The following DLG4 variants were observed in gnomAD, a reference collection of about 807,000 sequenced individuals.
DLG4 encodes the protein discs large MAGUK scaffold protein 4, also known as disks large homolog 4.
A neutral mutation model predicts 93.8 loss-of-function variants in DLG4; 7 were observed. That is an observed-to-expected ratio of 0.07 (90% CI 0.04 to 0.14). The LOEUF (loss-of-function observed/expected upper bound fraction) is 0.14. Ranked by LOEUF, DLG4 falls within the 10% of genes least tolerant of loss-of-function variation. The probability of loss-of-function intolerance (pLI) is 1.00; values close to 1 mark genes in which losing one functional copy is unlikely to be tolerated. For missense variants in DLG4, 545 were observed against 992.9 expected (o/e 0.55, Z 6.06); for synonymous variants, 341 against 387.6 (o/e 0.88, Z 1.41).
Position 7,193,529 on chromosome 17 carries a change from A to C in DLG4, c.1647T>G (p.Asp549Glu). The C allele has an allele frequency of 6.5e-7, 1 of 1,537,368 alleles. No individual in the cohort carries two copies. The highest frequency in any genetic ancestry group is 8.7e-7 in the Non-Finnish European group (1 of 1,148,772). Residue 549 changes from aspartate to glutamate, a missense_variant, in exon 16 of 20, where the codon GAT (aspartate) becomes GAG (glutamate). Physicochemically the swap from Asp to Glu is conservative, Grantham distance 45. Around this residue, in one of 5 missense-constraint regions of DLG4, gnomAD observed 428 missense variants for 741.4 expected, o/e 0.58. Coordinates refer to ENST00000399506, the MANE Select transcript of DLG4 (RefSeq NM_001321075.3). This position sits in a 1 kb window ranked among gnomAD's most constrained non-coding sequence, Gnocchi z 6.7. Reference sequence around the variant, plus strand: ...TGTCGGGGAACTCGGAGAGAAGATCATCGTTGGCGCGGTCCTTGGTGGGCC... The same window carrying C: ...TGTCGGGGAACTCGGAGAGAAGATCCTCGTTGGCGCGGTCCTTGGTGGGCC... ...ILGPTKDRAN[D>E]DLLSEFPDKF...
chr17:7,192,429 TGGAA>T (rs2069552402), intron 17 of DLG4: 1 of 143,200 alleles, frequency 7.0e-6, no homozygotes, highest in Non-Finnish European at 1.3e-5. Context: ...GACAGACAGA[TGGAA>T]GGAACAAGGA....
intron 1 of DLG4, among the ~76,000 whole-genome samples, chr17:7,215,556 A>T (rs2070873993): frequency 6.6e-6 from 1 of 152,194 alleles, no homozygotes. Context: ...ACCAGGCCAG[A>T]GAAACTGAGG....
At chr17:7,204,310 A>G in intron 2 of DLG4, 58 bp from the exon 3 acceptor site, 2 of 1,495,590 alleles carry the variant, frequency 1.3e-6, no homozygotes, top group South Asian at 1.3e-5. Flanking sequence ...GAGGGAGCCC[A>G]TAACGGAGGG....
upstream of DLG4, chr17:7,219,374 G>A (rs2071078335): frequency 9.9e-7 from 1 of 1,011,434 alleles, no homozygotes; most frequent in Non-Finnish European, 1.2e-6. Flanking sequence ...CTTTACTAAG[G>A]GAGGGGCAGT....
At chr17:7,212,247 G>A (rs2070742829) in intron 1 of DLG4, among the ~76,000 whole-genome samples, 1 of 151,964 alleles carries the variant, frequency 6.6e-6, no homozygotes, top group African/African-American at 2.4e-5. Flanking sequence ...AGATTCCAAG[G>A]CATCTCCTAC....
chr17:7,213,027 G>A (rs1306636646), intron 1 of DLG4, among the ~76,000 whole-genome samples: 1 of 151,610 alleles, frequency 6.6e-6, no homozygotes, highest in Non-Finnish European at 1.5e-5. Flanking sequence ...AGTGAGACTC[G>A]GTCTCAAAAA....
At position 7,196,604 on chromosome 17, in the gene DLG4, C is replaced by T. The variant is rs779607867; in HGVS notation, c.1084-29G>A. 1 of 1,612,394 alleles carries T rather than the reference C, an allele frequency of 6.2e-7. No individual in the cohort carries two copies. The highest frequency in any genetic ancestry group is 8.5e-7 in the Non-Finnish European group (1 of 1,178,614). Reference sequence around the variant, plus strand: ...GAGAGAGGACGACAGGCTGTGTCACCAGAGACAGGAGGCAGCACTTCTGGG... The same window carrying T: ...GAGAGAGGACGACAGGCTGTGTCACTAGAGACAGGAGGCAGCACTTCTGGG... On this transcript the variant is annotated intron_variant, in intron 9 of 19. Transcript: ENST00000399506. The surrounding 1 kb of genome is among the most constrained non-coding windows in gnomAD (Gnocchi z 8.3).
chr17:7,219,980 C>A, upstream of DLG4: 1 of 1,601,512 alleles, frequency 6.2e-7, no homozygotes, highest in South Asian at 1.1e-5. Flanking sequence ...CGGAGAGATT[C>A]GGAGATGCAG....
In DLG4 at chr17:7,193,931, C is replaced by T; in HGVS notation, c.1515+33G>A. 2 of 1,613,650 alleles carry T rather than the reference C, an allele frequency of 1.2e-6. No homozygotes were observed. Among genetic ancestry groups the T allele is most frequent in the Non-Finnish European group, 1.7e-6 (2 of 1,179,746 alleles). On this transcript the variant is annotated intron_variant, in intron 13 of 19. Transcript: ENST00000399506. The surrounding 1 kb of genome is among the most constrained non-coding windows in gnomAD (Gnocchi z 6.7). ...GAGCTCAGCTCCATGAGCCCTCACA[C>T]TTCCACCCAGGCTCACACCCTCCTC...
At position 7,194,322 on chromosome 17, in the gene DLG4, C is replaced by T. The variant is rs949003631; in HGVS notation, c.1475G>A (p.Arg492Gln). The change falls in exon 12 of 20, where the codon CGG becomes CAG. Residue 492 changes from arginine (R) to glutamine (Q), a missense_variant. Physicochemically the swap from Arg to Gln is conservative, Grantham distance 43. This residue lies in a region of DLG4 where 428 missense variants were observed against 741.4 expected (regional missense o/e 0.58). Transcript: ENST00000399506. This position sits in a 1 kb window ranked among gnomAD's most constrained non-coding sequence, Gnocchi z 4.4. The stretch of plus-strand genomic sequence containing the variant: ...CTACAGAGCCCAGGAGCCTCACCGC[C>T]GTTTGCTGGGGATGAACCCAATGTC... ...TDDIGFIPSK[R>Q]RVERREWSRL... 3 of 1,604,928 alleles carry T rather than the reference C, an allele frequency of 1.9e-6. No individual in the cohort carries two copies. The highest frequency in any genetic ancestry group is 1.7e-6 in the Non-Finnish European group (2 of 1,176,192).
In DLG4 at chr17:7,191,614, G is replaced by C; in HGVS notation, c.1977-256C>G. 1 of 594,812 alleles carries C rather than the reference G, an allele frequency of 1.7e-6. No homozygotes were observed. Among genetic ancestry groups the C allele is most frequent in the Non-Finnish European group, 3.0e-6 (1 of 333,982 alleles). The allele number at this position is 594,812 out of a possible 1,614,324, so 36.8% of individuals were successfully genotyped here. A position where few individuals can be genotyped will look rare whatever the true frequency, so the allele number is the denominator to read the frequency against. ...CCTTCCAGCCTTCAGCCCCAGAGATGGGATTCGGACTCCAATTCCCAACAG... is the reference window on the plus strand; with the variant it reads ...CCTTCCAGCCTTCAGCCCCAGAGATCGGATTCGGACTCCAATTCCCAACAG... On this transcript the variant is annotated intron_variant, in intron 18 of 19. Coordinates refer to ENST00000399506, the MANE Select transcript of DLG4 (RefSeq NM_001321075.3). The surrounding 1 kb of genome is among the most constrained non-coding windows in gnomAD (Gnocchi z 6.6).
chr17:7,220,041 C>T (rs760910297), upstream of DLG4: 2 of 1,603,636 alleles, frequency 1.2e-6, no homozygotes, highest in South Asian at 1.1e-5. Context: ...GGCTCGGGGG[C>T]GGAAGGTCTG....
At chr17:7,209,231 G>C (rs1328659648) in intron 1 of DLG4, among the ~76,000 whole-genome samples, 1 of 152,154 alleles carries the variant, frequency 6.6e-6, no homozygotes, top group Non-Finnish European at 1.5e-5. Context: ...TCCTGTGCTA[G>C]CTTAATAGGG....
chr17:7,190,664 A>G lies in DLG4; in HGVS notation c.*44T>C. 6.7e-7 allele frequency: 1 copy of G among 1,491,576 alleles called. No homozygotes were observed. Among genetic ancestry groups the G allele is most frequent in the Non-Finnish European group, 9.4e-7 (1 of 1,068,570 alleles). 92.4% of individuals were successfully genotyped at this position (1,491,576 alleles called of 1,614,324 possible). ...GCAATTCAGTCCAGACCAAGGGCCC[A>G]GGTGATGGAGGCAGGGCGAGTCCAG... is the stretch of plus-strand genomic sequence containing the variant. On this transcript the variant is annotated 3_prime_UTR_variant, in exon 20 of 20. Transcript: ENST00000399506.
rs1597433643 is a variant in DLG4 at position 7,190,439 on chromosome 17, G to C, written c.*269C>G. ...GTGTGTGCATTGGGGGCAGGTGGGG[G>C]CGGGGATCCTAAGGAGCAAGGGCTC... On this transcript the variant is annotated 3_prime_UTR_variant, in exon 20 of 20. Coordinates refer to ENST00000399506, the MANE Select transcript of DLG4 (RefSeq NM_001321075.3). 8.6e-6 allele frequency: 4 copies of C among 467,306 alleles called. No individual in the cohort carries two copies. The highest frequency in any genetic ancestry group is 1.6e-5 in the Non-Finnish European group (4 of 254,576). The allele number at this position is 467,306 out of a possible 1,614,324, so 28.9% of individuals were successfully genotyped here. A position where few individuals can be genotyped will look rare whatever the true frequency, so the allele number is the denominator to read the frequency against.
At chr17:7,204,745 T>C (rs984675062) in intron 2 of DLG4, among the ~76,000 whole-genome samples, 1 of 127,946 alleles carries the variant, frequency 7.8e-6, no homozygotes, top group Non-Finnish European at 1.6e-5. Context: ...TCTACCCAGA[T>C]ATTTTCATAA....
intron 1 of DLG4, among the ~76,000 whole-genome samples, chr17:7,216,864 G>A (rs999455124): frequency 3.3e-5 from 5 of 150,754 alleles, no homozygotes; most frequent in African/African-American, 7.3e-5. Flanking sequence ...CCCCAAACCC[G>A]CCAGGCCCCC....
intron 1 of DLG4, among the ~76,000 whole-genome samples, chr17:7,214,482 C>A (rs544417378): frequency 7.7e-4 from 117 of 152,322 alleles, no homozygotes; most frequent in Middle Eastern, 3.4e-3. Context: ...ACTGTCCCTC[C>A]GCCACGCCCC....
At chr17:7,201,698 T>C (rs2070147145) in intron 8 of DLG4, among the ~76,000 whole-genome samples, 1 of 152,010 alleles carries the variant, frequency 6.6e-6, no homozygotes, top group South Asian at 2.1e-4. Flanking sequence ...CTGGCCAACA[T>C]GGTGAAACCC....
Sources: gnomAD v4.1 joint callset for allele counts (sites outside exome capture counted in the v4.1 genomes callset) on GRCh38, gnomAD v4.1.1 for gene constraint, gnomAD v4.1.1 regional missense constraint, Gnocchi (gnomAD v3.1) non-coding constraint, MANE v1.5 for transcripts, NCBI Gene and HGNC (gene_info 2026-07-23, HGNC 2026-07-21) for gene names.